Variants in ADGRL3 observed in about 807,000 individuals in gnomAD.
The protein encoded by ADGRL3 is adhesion G protein-coupled receptor L3.
A neutral mutation model predicts 153.5 loss-of-function variants in ADGRL3; 62 were observed. The observed-to-expected ratio is 0.40, with a 90% CI of 0.33 to 0.50. The LOEUF is 0.50. Among genes scored for constraint, ADGRL3 ranks in the 20% least tolerant of loss-of-function variants. The pLI is 0.47. For synonymous variants in ADGRL3, 710 were observed against 672.5 expected (o/e 1.06, Z -0.86); for missense variants, 1,641 against 1,859.4 (o/e 0.88, Z 2.16).
At chr4:61,808,767 A>G (rs1039322775) in intron 8 of ADGRL3, among the ~76,000 whole-genome samples, 4 of 149,530 alleles carry the variant, frequency 2.7e-5, no homozygotes, top group Admixed American at 1.3e-4. Flanking sequence ...TCAGCAGTAG[A>G]GATTATTTCC....
chr4:61,383,046 A>T (rs566005198), intron 1 of ADGRL3, 78 bp from the exon 2 acceptor site: 2 of 151,960 alleles, frequency 1.3e-5, no homozygotes, highest in South Asian at 4.1e-4. Flanking sequence ...TATTCAAAGC[A>T]TTCTACAACT....
intron 25 of ADGRL3, among the ~76,000 whole-genome samples, chr4:62,058,668 A>G (rs1738398513): frequency 6.6e-6 from 1 of 152,152 alleles, no homozygotes; most frequent in Non-Finnish European, 1.5e-5. Flanking sequence ...TATGTCTTCA[A>G]ACTGACTAAC....
rs2096611490 is a variant in ADGRL3 at position 61,743,563 on chromosome 4, A to G, written c.1399+10009A>G. Reference sequence around the variant, plus strand: ...TGATGAAATAGATTATTTTTAAAACATGGCAAATCTTTCAATATCTACGAT... The same window carrying G: ...TGATGAAATAGATTATTTTTAAAACGTGGCAAATCTTTCAATATCTACGAT... On this transcript the variant is annotated intron_variant, in intron 8 of 26. Transcript: ENST00000683033. Among the ~76,000 whole-genome samples the G allele has an allele frequency of 2.6e-5, 4 of 152,188 alleles. No homozygotes were observed. In the South Asian group the frequency reaches 8.3e-4, roughly 31 times the overall value.
intron 8 of ADGRL3, among the ~76,000 whole-genome samples, chr4:61,780,363 A>G (rs1214671824): frequency 6.6e-6 from 1 of 152,228 alleles, no homozygotes; most frequent in Non-Finnish European, 1.5e-5. Context: ...CTAGGCAGTC[A>G]TGCAGTGTTT....
chr4:62,070,463 A>T lies in ADGRL3; in HGVS notation c.4187A>T (p.His1396Leu). 1 of 1,551,542 alleles carries T rather than the reference A, an allele frequency of 6.4e-7. No individual in the cohort carries two copies. The highest frequency in any genetic ancestry group is 8.7e-7 in the Non-Finnish European group (1 of 1,146,950). The change falls in exon 27 of 27, where the codon CAT becomes CTT. Residue 1396 changes from histidine (H) to leucine (L), a missense_variant. Physicochemically the swap from His to Leu is moderately conservative, Grantham distance 99. Transcript: ENST00000683033. ...GAGAGTTTGGGCCTGGAACTCATTCATGAGGAATCTGATGCTCCTTTGCTG... is the reference window on the plus strand; with the variant it reads ...GAGAGTTTGGGCCTGGAACTCATTCTTGAGGAATCTGATGCTCCTTTGCTG... The part of the protein sequence containing the change: ...HEESLGLELI[H>L]EESDAPLLPP...
chr4:62,042,821 T>C (rs1245698649), intron 24 of ADGRL3, among the ~76,000 whole-genome samples: 1 of 152,058 alleles, frequency 6.6e-6, no homozygotes, highest in African/African-American at 2.4e-5. Flanking sequence ...TATGGCACAA[T>C]TAATTATTAC....
chr4:61,358,596 CAAAAAA>C lies in ADGRL3; in HGVS notation c.-239-24512_-239-24507del, dbSNP rs71211377. The stretch of plus-strand genomic sequence containing the variant: ...TGGGCGACAGAGCGAGACTCCGTCT[CAAAAAA>C]AAAAAAAAAAAAAAAGAAAGCAGAC... On this transcript the variant is annotated intron_variant, in intron 1 of 26. Coordinates refer to ENST00000683033, the MANE Select transcript of ADGRL3 (RefSeq NM_001387552.1). Among the ~76,000 whole-genome samples, 183 of 96,868 alleles carry C rather than the reference CAAAAAA, an allele frequency of 1.9e-3. 1 individual carries two copies. In the Middle Eastern group the frequency reaches 0.022, roughly 12 times the overall value. The allele number at this position is 96,868 out of a possible 152,430, so 63.5% of individuals were successfully genotyped here. A position where few individuals can be genotyped will look rare whatever the true frequency, so the allele number is the denominator to read the frequency against.
At chr4:61,513,301 T>C (rs894802051) in intron 3 of ADGRL3, among the ~76,000 whole-genome samples, 4 of 152,230 alleles carry the variant, frequency 2.6e-5, no homozygotes, top group Admixed American at 6.5e-5. Flanking sequence ...TCTCTGCAAG[T>C]TATCTATCAT....
chr4:61,213,232 C>T (rs1427319326), intron 1 of ADGRL3, among the ~76,000 whole-genome samples: 1 of 152,122 alleles, frequency 6.6e-6, no homozygotes, highest in African/African-American at 2.4e-5. Flanking sequence ...TGTCAGAGGA[C>T]ACTGTGTTAG....
intron 19 of ADGRL3, among the ~76,000 whole-genome samples, chr4:61,983,885 A>G (rs551494909): frequency 7.9e-5 from 12 of 152,316 alleles, no homozygotes; most frequent in African/African-American, 2.9e-4. Context: ...ACATTAAGAC[A>G]TTAGTCAAAG....
intron 5 of ADGRL3, among the ~76,000 whole-genome samples, chr4:61,641,401 G>C (rs994757073): frequency 6.6e-6 from 1 of 150,730 alleles, no homozygotes; most frequent in Non-Finnish European, 1.5e-5. Flanking sequence ...TCCTCCTCTA[G>C]CGTTAGGTAT....
At chr4:62,066,592 C>G (rs773000509) in intron 25 of ADGRL3, among the ~76,000 whole-genome samples, 3 of 151,924 alleles carry the variant, frequency 2.0e-5, no homozygotes, top group Admixed American at 6.6e-5. Flanking sequence ...TCACATTATA[C>G]AAAAACCTGT....
intron 8 of ADGRL3, among the ~76,000 whole-genome samples, chr4:61,798,448 A>G (rs578217401): frequency 7.2e-5 from 11 of 152,120 alleles, no homozygotes; most frequent in Admixed American, 4.6e-4. Flanking sequence ...TTGTTGTAGG[A>G]CTGACTGCCA....
chr4:61,377,385 G>T (rs1560542752), intron 1 of ADGRL3, among the ~76,000 whole-genome samples: 1 of 152,040 alleles, frequency 6.6e-6, no homozygotes, highest in South Asian at 2.1e-4. Context: ...ACTAAGGTTT[G>T]AGGATCATTC....
At chr4:61,215,809 C>G (rs188279573) in intron 1 of ADGRL3, among the ~76,000 whole-genome samples, 7 of 152,142 alleles carry the variant, frequency 4.6e-5, no homozygotes, top group African/African-American at 1.7e-4. Context: ...GCCTCGGCCT[C>G]CCAAAGTGCT....
chr4:61,806,489 A>G (rs1432061276), intron 8 of ADGRL3, among the ~76,000 whole-genome samples: 6 of 151,918 alleles, frequency 3.9e-5, no homozygotes, highest in Non-Finnish European at 5.9e-5. Context: ...TATATTATAA[A>G]CACATATTTG....
chr4:62,056,619 G>T (rs1210563535), intron 25 of ADGRL3, among the ~76,000 whole-genome samples: 1 of 151,964 alleles, frequency 6.6e-6, no homozygotes, highest in Non-Finnish European at 1.5e-5. Flanking sequence ...GTTTTTACTT[G>T]TTAAAAAATG....
At chr4:61,306,255 G>A (rs527477677) in intron 1 of ADGRL3, among the ~76,000 whole-genome samples, 3 of 151,826 alleles carry the variant, frequency 2.0e-5, no homozygotes, top group East Asian at 1.9e-4. Context: ...CCGCCACCAC[G>A]CCCGGCTAAT....
chr4:61,221,411 G>C (rs957639309), intron 1 of ADGRL3, among the ~76,000 whole-genome samples: 3 of 152,076 alleles, frequency 2.0e-5, no homozygotes, highest in African/African-American at 7.2e-5. Flanking sequence ...GTCAATATTT[G>C]TGTCCTCTTC....
Sources: allele counts gnomAD v4.1 joint callset (sites outside exome capture counted in the v4.1 genomes callset), GRCh38; gene constraint gnomAD v4.1.1; transcripts MANE v1.5; gene names NCBI Gene and HGNC (gene_info 2026-07-23, HGNC 2026-07-21).